ERI3: variants seen among roughly 807,000 people sequenced by gnomAD.
ERI3 encodes the protein ERI1 exoribonuclease family member 3.
A neutral mutation model predicts 44.4 loss-of-function variants in ERI3; 18 were observed. That is an observed-to-expected ratio of 0.41 (90% CI 0.28 to 0.60). ERI3 has a LOEUF of 0.60. ERI3 is among the 20% of genes least tolerant of loss of function. The probability of loss-of-function intolerance (pLI) is 0.36; values close to 1 mark genes in which losing one functional copy is unlikely to be tolerated. For synonymous variants in ERI3, 183 were observed against 164.8 expected, an observed-to-expected ratio of 1.11 and a Z score of -0.84; for missense variants, 294 against 435.5, an observed-to-expected ratio of 0.68 and a Z score of 2.89.
At chr1:44,322,586 A>G (rs1646226002) in intron 3 of ERI3, 1 of 1,155,340 alleles carries the variant, frequency 8.7e-7, no homozygotes, top group Admixed American at 3.4e-5. Context: ...CTTCCTCCAC[A>G]ACATGAGGAG....
At chr1:44,298,466 A>G (rs1260163433) in intron 6 of ERI3, among the ~76,000 whole-genome samples, 1 of 152,240 alleles carries the variant, frequency 6.6e-6, no homozygotes, top group African/African-American at 2.4e-5. Flanking sequence ...CATATACTAA[A>G]TAACTAAATA....
intron 7 of ERI3, among the ~76,000 whole-genome samples, chr1:44,282,031 T>A (rs372407571): frequency 2.0e-5 from 3 of 151,878 alleles, no homozygotes; most frequent in African/African-American, 7.2e-5. Context: ...GAATATAAGA[T>A]CATTCAATGA....
chr1:44,291,583 GA>G (rs959865519), intron 6 of ERI3, among the ~76,000 whole-genome samples: 1 of 152,126 alleles, frequency 6.6e-6, no homozygotes, highest in African/African-American at 2.4e-5. Context: ...GAGGGCTGGG[GA>G]TACTATAGGA....
chr1:44,234,846 G>A (rs900483184), intron 8 of ERI3, among the ~76,000 whole-genome samples: 11 of 151,880 alleles, frequency 7.2e-5, no homozygotes, highest in African/African-American at 2.7e-4. Context: ...AGGTTCAGCC[G>A]ATTCCCGTGC....
intron 3 of ERI3, among the ~76,000 whole-genome samples, 160 bp downstream of exon 3, chr1:44,338,885 G>C (rs575118379): frequency 6.6e-6 from 1 of 152,272 alleles, no homozygotes; most frequent in East Asian, 1.9e-4. Context: ...CCTTACACTA[G>C]CATACCTGAA....
intron 7 of ERI3, among the ~76,000 whole-genome samples, chr1:44,251,641 C>T (rs1435147070): frequency 6.6e-6 from 1 of 152,180 alleles, no homozygotes; most frequent in Non-Finnish European, 1.5e-5. Flanking sequence ...GACGGTTTGA[C>T]AGGTGGCAGG....
At chr1:44,230,204 G>A (rs1392249131) in intron 8 of ERI3, 1 of 152,136 alleles carries the variant, frequency 6.6e-6, no homozygotes, top group Non-Finnish European at 1.5e-5. Flanking sequence ...AATTAAAAGT[G>A]AAATACGCCG....
intron 6 of ERI3, among the ~76,000 whole-genome samples, chr1:44,287,906 G>A (rs953170699): frequency 1.3e-5 from 2 of 152,214 alleles, no homozygotes; most frequent in Admixed American, 1.3e-4. Flanking sequence ...AAAAGGCAGG[G>A]AGCCTCGATC....
intron 4 of ERI3, among the ~76,000 whole-genome samples, chr1:44,314,000 A>G (rs1436823894): frequency 6.6e-6 from 1 of 151,556 alleles, no homozygotes; most frequent in Non-Finnish European, 1.5e-5. Context: ...AAAAAAAAAG[A>G]CTGGGGATAG....
chr1:44,304,804 T>C (rs555240654), intron 6 of ERI3, among the ~76,000 whole-genome samples: 1 of 152,072 alleles, frequency 6.6e-6, no homozygotes, highest in Non-Finnish European at 1.5e-5. Context: ...AAACCTGAAG[T>C]GAACTTCAGG....
intron 8 of ERI3, among the ~76,000 whole-genome samples, chr1:44,234,438 C>A (rs1369604317): frequency 6.6e-6 from 1 of 151,602 alleles, no homozygotes; most frequent in Non-Finnish European, 1.5e-5. Context: ...CTGAGGTGGG[C>A]AAATCACGAG....
At chr1:44,223,669 A>G (rs1643960395) in intron 8 of ERI3, among the ~76,000 whole-genome samples, 1 of 152,010 alleles carries the variant, frequency 6.6e-6, no homozygotes, top group East Asian at 1.9e-4. Context: ...AAATCGTTCA[A>G]TTTGCTTCCC....
intron 8 of ERI3, among the ~76,000 whole-genome samples, chr1:44,239,037 C>G (rs986587745): frequency 6.6e-5 from 10 of 151,632 alleles, no homozygotes; most frequent in East Asian, 1.9e-4. Flanking sequence ...CCCCTCCCCC[C>G]CCCAATCCAG....
chr1:44,330,064 C>T (rs1019170701), intron 3 of ERI3, among the ~76,000 whole-genome samples: 2 of 152,240 alleles, frequency 1.3e-5, no homozygotes, highest in African/African-American at 4.8e-5. Context: ...AGTCTCCCAA[C>T]ATACATTTTT....
rs1644447242 is a variant in ERI3, at chr1:44,241,900, A to G, written c.931+6039T>C. Reference sequence around the variant, plus strand: ...TGTCCATCAACTCACCCACCCATCTAGTCCATCAACTCACCCATCCATCTA... The same window carrying G: ...TGTCCATCAACTCACCCACCCATCTGGTCCATCAACTCACCCATCCATCTA... On this transcript the variant is annotated intron_variant, in intron 8 of 8. Coordinates refer to ENST00000372257, the MANE Select transcript of ERI3 (RefSeq NM_024066.3). The surrounding 1 kb of genome is among the most constrained non-coding windows in gnomAD (Gnocchi z 5.6). The G allele has an allele frequency of 1.0e-6, 1 of 960,396 alleles. No homozygotes were observed. Among genetic ancestry groups the G allele is most frequent in the South Asian group, 4.8e-5 (1 of 20,824 alleles). The allele number at this position is 960,396 out of a possible 1,614,324, so 59.5% of individuals were successfully genotyped here.
At chr1:44,245,543 G>C (rs1254835135) in intron 8 of ERI3, among the ~76,000 whole-genome samples, 1 of 152,168 alleles carries the variant, frequency 6.6e-6, no homozygotes, top group African/African-American at 2.4e-5. Flanking sequence ...TAAGGTCACA[G>C]GGTTCTGGGT....
At chr1:44,311,441 C>T (rs535039798) in intron 5 of ERI3, among the ~76,000 whole-genome samples, 1 of 152,236 alleles carries the variant, frequency 6.6e-6, no homozygotes, top group East Asian at 1.9e-4. Context: ...TGAAGCAGAG[C>T]CCGGTCCGGT....
chr1:44,321,984 G>A (rs1646212515), intron 3 of ERI3, among the ~76,000 whole-genome samples: 1 of 151,848 alleles, frequency 6.6e-6, no homozygotes, highest in Non-Finnish European at 1.5e-5. Flanking sequence ...ACATTCCTCT[G>A]GAAATAAAAA....
chr1:44,342,118 A>G (rs1300654789), intron 2 of ERI3, among the ~76,000 whole-genome samples: 2 of 152,178 alleles, frequency 1.3e-5, no homozygotes, highest in African/African-American at 4.8e-5. Flanking sequence ...GAGGGCAGAT[A>G]TCTACAACGG....
Sources: gnomAD v4.1 joint callset for allele counts (sites outside exome capture counted in the v4.1 genomes callset) on GRCh38, gnomAD v4.1.1 for gene constraint, Gnocchi (gnomAD v3.1) non-coding constraint, MANE v1.5 for transcripts, NCBI Gene and HGNC (gene_info 2026-07-23, HGNC 2026-07-21) for gene names.